The following PLCB2 variants were observed in gnomAD, a reference collection of about 807,000 sequenced individuals.
PLCB2 encodes 1-phosphatidylinositol 4,5-bisphosphate phosphodiesterase beta-2.
A neutral mutation model predicts 141.7 loss-of-function variants in PLCB2; 115 were observed. The ratio of observed to expected loss-of-function variants is 0.81; its 90% CI spans 0.70 to 0.95. The LOEUF (loss-of-function observed/expected upper bound fraction) is 0.95. Among genes scored for constraint, PLCB2 ranks in the 40% least tolerant of loss-of-function variants. PLCB2 has a pLI of 0.00. For missense variants in PLCB2, 1,403 were observed against 1,541.1 expected (o/e 0.91, Z 1.50); for synonymous variants, 603 against 595.6 (o/e 1.01, Z -0.18).
chr15:40,289,050 GGTGGGGGA>G lies in PLCB2; in HGVS notation c.3355-140_3355-133del, dbSNP rs1050443128. ...CCCAGGAGACTGGGGTGAGAGGCAG[GGTGGGGGA>G]GTGGTAGAGCCCATCAGGAGCCTCT... is the stretch of plus-strand genomic sequence containing the variant. On this transcript the variant is annotated intron_variant, in intron 31 of 31. Transcript: ENST00000260402. The G allele has an allele frequency of 5.9e-6, 8 of 1,364,578 alleles. No homozygotes were observed. In the Admixed American group the frequency reaches 2.0e-4, roughly 35 times the overall value. The allele number at this position is 1,364,578 out of a possible 1,614,324, so 84.5% of individuals were successfully genotyped here. A position where few individuals can be genotyped will look rare whatever the true frequency, so the allele number is the denominator to read the frequency against.
chr15:40,299,851 C>G (rs945908461), intron 7 of PLCB2, among the ~76,000 whole-genome samples: 1 of 152,112 alleles, frequency 6.6e-6, no homozygotes, highest in Non-Finnish European at 1.5e-5. Flanking sequence ...AAAAAGACAA[C>G]CCAGTTGAAA....
At chr15:40,293,479 G>C in intron 20 of PLCB2, 81 bp downstream of exon 20, 1 of 1,395,748 alleles carries the variant, frequency 7.2e-7, no homozygotes, top group Non-Finnish European at 1.0e-6. Context: ...AGGTCAAGGA[G>C]CTGCCTTGTT....
At chr15:40,296,096 C>T (rs1010323200) in intron 16 of PLCB2, among the ~76,000 whole-genome samples, 200 bp downstream of exon 16, 9 of 152,264 alleles carry the variant, frequency 5.9e-5, no homozygotes, top group Middle Eastern at 3.4e-3. Context: ...CCTGTCATAA[C>T]GCCCAGCCTG....
At chr15:40,285,912 T>C (rs2039602963), downstream of PLCB2, 1 of 985,414 alleles carries the variant, frequency 1.0e-6, no homozygotes, top group Non-Finnish European at 1.2e-6. Context: ...TGTTCCTCCG[T>C]GGTGGATTGA....
chr15:40,289,723 G>A (rs2039750815), intron 30 of PLCB2, among the ~76,000 whole-genome samples: 1 of 152,010 alleles, frequency 6.6e-6, no homozygotes, highest in Admixed American at 6.5e-5. Context: ...AGCCTCCCCT[G>A]GCCCTGATAT....
chr15:40,301,699 C>G, intron 7 of PLCB2: 1 of 703,824 alleles, frequency 1.4e-6, no homozygotes, highest in South Asian at 1.5e-5. Context: ...AGTCCATCAA[C>G]CACAGCCCCA....
Position 40,290,990 on chromosome 15 carries a change from G to A in PLCB2, c.3036+28C>T, listed in dbSNP as rs769297478. 3.2e-6 allele frequency: 5 copies of A among 1,578,620 alleles called. No homozygotes were observed. The Admixed American group carries it at 8.6e-5, about 27-fold the overall frequency. ...GGGGGTGGGGTCGGTGGGGCTGGTG[G>A]GGTTGTCGCCCTGCCCCTCCCGGCC... On this transcript the variant is annotated intron_variant, in intron 27 of 31. Transcript: ENST00000260402.
chr15:40,288,932 A>G lies in PLCB2; in HGVS notation c.3355-14T>C. 6 of 1,611,118 alleles carry G rather than the reference A, an allele frequency of 3.7e-6. No individual in the cohort carries two copies. The highest frequency in any genetic ancestry group is 4.2e-6 in the Non-Finnish European group (5 of 1,179,438). On this transcript the variant is annotated splice_polypyrimidine_tract_variant and intron_variant, in intron 31 of 31. Coordinates refer to ENST00000260402, the MANE Select transcript of PLCB2 (RefSeq NM_004573.3). ...CTCCTTCTGGAACTGTGGAGACAGCAAGGACCCCTGCCTGGCTCAGGAGGG... is the reference window on the plus strand; with the variant it reads ...CTCCTTCTGGAACTGTGGAGACAGCGAGGACCCCTGCCTGGCTCAGGAGGG...
At chr15:40,293,079 A>ACCC in intron 20 of PLCB2, 54 bp from the exon 21 acceptor site, 1 of 1,111,626 alleles carries the variant, frequency 9.0e-7, no homozygotes, top group South Asian at 1.5e-5. Context: ...AGCCAAGCTG[A>ACCC]CCCCCTCCCT....
rs1187609591 is a variant in PLCB2 at position 40,288,101 on chromosome 15, G to T, written c.*614C>A. The T allele has an allele frequency of 9.1e-6, 9 of 985,388 alleles. No individual in the cohort carries two copies. In the East Asian group the frequency reaches 9.1e-4, roughly 99 times the overall value. The allele number at this position is 985,388 out of a possible 1,614,324, so 61.0% of individuals were successfully genotyped here. A position where few individuals can be genotyped will look rare whatever the true frequency, so the allele number is the denominator to read the frequency against. On this transcript the variant is annotated 3_prime_UTR_variant, in exon 32 of 32. Coordinates refer to ENST00000260402, the MANE Select transcript of PLCB2 (RefSeq NM_004573.3). ...GTGGAACAGCACCCAAGAGCCCACT[G>T]CCCCTTGTGACTCAGCCAAGCAGGG... is the stretch of plus-strand genomic sequence containing the variant.
downstream of PLCB2, among the ~76,000 whole-genome samples, chr15:40,287,385 C>T (rs181356486): frequency 6.0e-4 from 92 of 152,310 alleles, no homozygotes; most frequent in Admixed American, 1.6e-3. Flanking sequence ...ACAACCTCTT[C>T]CCAGAATCAA....
chr15:40,296,527 C>G lies in PLCB2; in HGVS notation c.1594G>C (p.Asp532His). The change falls in exon 15 of 32, where the codon GAT (aspartate) becomes CAT (histidine). Residue 532 changes from aspartate to histidine, a missense_variant. Asp to His is a moderately conservative substitution (Grantham distance 81). This residue lies in a region of PLCB2 where 975 missense variants were observed against 1,141.1 expected (regional missense o/e 0.85). Coordinates refer to ENST00000260402, the MANE Select transcript of PLCB2 (RefSeq NM_004573.3). ...DEEEIKKMQS[D>H]EGTAGLEVTA... is the part of the protein sequence containing the mutation. ...CTGGGGCTACCCCCACACACCTCAT[C>G]CGACTGCATCTTCTTAATCTCTTCT... 1 of 1,614,060 alleles carries G rather than the reference C, an allele frequency of 6.2e-7. No individual in the cohort carries two copies. The highest frequency in any genetic ancestry group is 8.5e-7 in the Non-Finnish European group (1 of 1,179,960).
At chr15:40,301,577 C>A (rs777575668) in intron 7 of PLCB2, 3 of 703,050 alleles carry the variant, frequency 4.3e-6, no homozygotes, top group Non-Finnish European at 7.8e-6. Context: ...AGACTGCCGC[C>A]TGCCACTGCC....
intron 7 of PLCB2, chr15:40,301,634 C>A (rs953781645): frequency 5.7e-6 from 4 of 703,034 alleles, no homozygotes; most frequent in South Asian, 1.5e-5. Flanking sequence ...GCTCAGCTCC[C>A]ATTCCCAACA....
chr15:40,293,677 T>C lies in PLCB2; in HGVS notation c.2109A>G (p.Val703=), dbSNP rs1566877009. 1 of 1,614,112 alleles carries C rather than the reference T, an allele frequency of 6.2e-7. No individual in the cohort carries two copies. The highest frequency in any genetic ancestry group is 8.5e-7 in the Non-Finnish European group (1 of 1,179,994). ...CAGGAAGGCCAAACAGCTCCACTTC[T>C]ACATAGGTGCGCACGCTGCGTTCTG... The part of the protein sequence containing the change: ...FLSERSVRTY[V]EVELFGLPGD... Residue 703 remains valine (V), a synonymous_variant, in exon 20 of 32, where the codon GTA becomes GTG. Coordinates refer to ENST00000260402, the MANE Select transcript of PLCB2 (RefSeq NM_004573.3).
intron 20 of PLCB2, 36 bp from the exon 21 acceptor site, chr15:40,293,061 G>T: frequency 1.4e-6 from 2 of 1,386,056 alleles, no homozygotes; most frequent in South Asian, 1.3e-5. Context: ...GCTGGGAGGG[G>T]AGAGAGGAGC....
At chr15:40,286,059 A>G (rs973794905), downstream of PLCB2, 2 of 984,796 alleles carry the variant, frequency 2.0e-6, no homozygotes, top group Non-Finnish European at 1.2e-6. Context: ...TGACTTCTCT[A>G]TGGGCTCAGT....
In PLCB2 at chr15:40,288,325, G is replaced by A; in HGVS notation, c.*390C>T. 4.0e-6 allele frequency: 4 copies of A among 1,002,360 alleles called. No homozygotes were observed. The highest frequency in any genetic ancestry group is 4.8e-6 in the Non-Finnish European group (4 of 841,344). The allele number at this position is 1,002,360 out of a possible 1,614,324, so 62.1% of individuals were successfully genotyped here. A position where few individuals can be genotyped will look rare whatever the true frequency, so the allele number is the denominator to read the frequency against. ...AGGAGGGTTCGGGGCTAGAGTGGAGGTGAGTGGGTCCAACCCTCCAGGTGA... is the reference window on the plus strand; with the variant it reads ...AGGAGGGTTCGGGGCTAGAGTGGAGATGAGTGGGTCCAACCCTCCAGGTGA... On this transcript the variant is annotated 3_prime_UTR_variant, in exon 32 of 32. Coordinates refer to ENST00000260402, the MANE Select transcript of PLCB2 (RefSeq NM_004573.3).
rs982886717 is a variant in PLCB2 at position 40,307,778 on chromosome 15, C to T, written c.-106G>A. The T allele has an allele frequency of 3.2e-5, 28 of 862,114 alleles. No individual in the cohort carries two copies. In the African/African-American group the frequency reaches 3.3e-4, roughly 10 times the overall value. The allele number at this position is 862,114 out of a possible 1,614,324, so 53.4% of individuals were successfully genotyped here. On this transcript the variant is annotated 5_prime_UTR_variant, in exon 1 of 32. It removes an upstream start codon present in the reference 5' UTR. Transcript: ENST00000260402. Reference sequence around the variant, plus strand: ...AGCCAAGCTGGGCTCAAATGGCACCCATCCCCGAGCTGCTCCAGAAATCTA... The same window carrying T: ...AGCCAAGCTGGGCTCAAATGGCACCTATCCCCGAGCTGCTCCAGAAATCTA...
Sources: gnomAD v4.1 joint callset for allele counts (sites outside exome capture counted in the v4.1 genomes callset) on GRCh38, gnomAD v4.1.1 for gene constraint, gnomAD v4.1.1 regional missense constraint, MANE v1.5 for transcripts, NCBI Gene and HGNC (gene_info 2026-07-23, HGNC 2026-07-21) for gene names.